The following MATN2 variants were observed in gnomAD, a reference collection of about 807,000 sequenced individuals.
The protein encoded by MATN2 is matrilin-2.
In MATN2, 69 loss-of-function variants were observed where a neutral mutation model predicts 103.2. That is an observed-to-expected ratio of 0.67 (90% CI 0.55 to 0.82). The LOEUF (loss-of-function observed/expected upper bound fraction) is 0.82. Ranked by LOEUF, MATN2 falls within the 40% of genes least tolerant of loss-of-function variation. The pLI, the probability that MATN2 is intolerant of heterozygous loss-of-function variation, is 0.00. For missense variants in MATN2, 1,023 were observed against 1,211.5 expected, an observed-to-expected ratio of 0.84 and a Z score of 2.31; for synonymous variants, 429 against 450.2, an observed-to-expected ratio of 0.95 and a Z score of 0.60.
chr8:97,958,668 TTTTC>T (rs1811213213), intron 4 of MATN2, among the ~76,000 whole-genome samples: 1 of 152,200 alleles, frequency 6.6e-6, no homozygotes, highest in African/African-American at 2.4e-5. Flanking sequence ...AAAGCAATGC[TTTTC>T]ATTGAACTTT....
At chr8:97,936,816 A>C (rs1810383642) in intron 3 of MATN2, among the ~76,000 whole-genome samples, 1 of 152,240 alleles carries the variant, frequency 6.6e-6, no homozygotes, top group Non-Finnish European at 1.5e-5. Flanking sequence ...AGGGCAAGGC[A>C]TGAGGCCTGG....
intron 8 of MATN2, among the ~76,000 whole-genome samples, chr8:98,006,403 T>A (rs1812971715): frequency 6.6e-6 from 1 of 152,222 alleles, no homozygotes; most frequent in Non-Finnish European, 1.5e-5. Context: ...GCGCTTTACA[T>A]AATCAACCCC....
At chr8:97,988,171 A>AAATATAT (rs1252963740) in intron 6 of MATN2, among the ~76,000 whole-genome samples, 1 of 46,120 alleles carries the variant, frequency 2.2e-5, no homozygotes, top group African/African-American at 1.3e-4. Flanking sequence ...AAAAAAAAAA[A>AAATATAT]ATATATATAT....
intron 2 of MATN2, among the ~76,000 whole-genome samples, chr8:97,924,891 T>C (rs145996472): frequency 0.014 from 2,067 of 152,234 alleles, 26 homozygotes; most frequent in South Asian, 0.027. Flanking sequence ...TCATTTCATA[T>C]TCATCATGAG....
intron 18 of MATN2, among the ~76,000 whole-genome samples, chr8:98,034,771 T>G (rs937842448): frequency 6.6e-5 from 10 of 152,354 alleles, no homozygotes; most frequent in South Asian, 2.1e-4. Flanking sequence ...CGCCCTTTGC[T>G]TCTGACTTCA....
intron 4 of MATN2, among the ~76,000 whole-genome samples, chr8:97,946,363 T>C (rs1276877638): frequency 2.0e-5 from 3 of 152,258 alleles, no homozygotes; most frequent in African/African-American, 7.2e-5. Context: ...TTGAACATAC[T>C]GGACCTCAAC....
chr8:97,907,000 T>A (rs1241138267), intron 2 of MATN2, among the ~76,000 whole-genome samples: 1 of 147,308 alleles, frequency 6.8e-6, no homozygotes, highest in Admixed American at 6.7e-5. Context: ...TAGCTGACTT[T>A]TTTTTTTTTT....
At chr8:97,988,308 A>T (rs1349863272) in intron 6 of MATN2, among the ~76,000 whole-genome samples, 1 of 151,288 alleles carries the variant, frequency 6.6e-6, no homozygotes, top group African/African-American at 2.4e-5. Flanking sequence ...TCCTTGAAAG[A>T]CACAAACTAC....
rs543680425 is a variant in MATN2 at position 97,909,598 on chromosome 8, C to T, written c.143-21355C>T. 7.2e-5 allele frequency among the ~76,000 whole-genome samples: 11 copies of T among 152,172 alleles called. No homozygotes were observed. The East Asian group carries it at 2.1e-3, about 29-fold the overall frequency. Reference sequence around the variant, plus strand: ...TGTTGCAGGCAGAGAGAACAGCAGGCAGGAGTATGCTTGAATTGTTCAGTA... The same window carrying T: ...TGTTGCAGGCAGAGAGAACAGCAGGTAGGAGTATGCTTGAATTGTTCAGTA... On this transcript the variant is annotated intron_variant, in intron 2 of 18. Transcript: ENST00000254898.
chr8:98,026,338 CAACCTGT>C (rs1256442386), intron 13 of MATN2, among the ~76,000 whole-genome samples: 1 of 151,210 alleles, frequency 6.6e-6, no homozygotes, highest in East Asian at 1.9e-4. Flanking sequence ...TAGCTTACTG[CAACCTGT>C]AATTCTTGGG....
intron 1 of MATN2, among the ~76,000 whole-genome samples, chr8:97,871,334 G>T (rs562774736): frequency 6.6e-6 from 1 of 152,202 alleles, no homozygotes; most frequent in African/African-American, 2.4e-5. Context: ...GGGAGAGACC[G>T]GCTTAGGCCT....
Position 98,035,821 on chromosome 8 carries a change from A to G in MATN2, c.*109A>G, listed in dbSNP as rs3088121. 80,959 of 614,032 alleles carry G rather than the reference A, an allele frequency of 0.13. 6,288 individuals carry two copies. Among genetic ancestry groups the G allele is most frequent in the Middle Eastern group, 0.21 (805 of 3,782 alleles). The allele number at this position is 614,032 out of a possible 1,614,324, so 38.0% of individuals were successfully genotyped here. On this transcript the variant is annotated 3_prime_UTR_variant, in exon 19 of 19. Coordinates refer to ENST00000254898, the MANE Select transcript of MATN2 (RefSeq NM_002380.5). Reference sequence around the variant, plus strand: ...GTTAAATCAATAATGTTGTGAAGTAAAACAATCAGTACTGAGAAACCTGGT... The same window carrying G: ...GTTAAATCAATAATGTTGTGAAGTAGAACAATCAGTACTGAGAAACCTGGT...
chr8:97,928,622 G>A (rs1211083481), intron 2 of MATN2, among the ~76,000 whole-genome samples: 2 of 152,120 alleles, frequency 1.3e-5, no homozygotes, highest in African/African-American at 4.8e-5. Flanking sequence ...TTGAGCAGGT[G>A]CCTGTGTGCA....
intron 5 of MATN2, among the ~76,000 whole-genome samples, chr8:97,972,231 G>C (rs1396275735): frequency 6.6e-6 from 1 of 151,638 alleles, no homozygotes; most frequent in Admixed American, 6.6e-5. Context: ...CCAGCTACTT[G>C]GGAGGCTGAG....
intron 2 of MATN2, among the ~76,000 whole-genome samples, chr8:97,916,625 G>GT (rs1809639073): frequency 6.6e-6 from 1 of 152,054 alleles, no homozygotes; most frequent in African/African-American, 2.4e-5. Context: ...AAAAACCACT[G>GT]TTTCACAGCT....
At chr8:97,948,097 A>C (rs778547025) in intron 4 of MATN2, among the ~76,000 whole-genome samples, 1 of 152,256 alleles carries the variant, frequency 6.6e-6, no homozygotes, top group Non-Finnish European at 1.5e-5. Flanking sequence ...GGCCATTTTC[A>C]ACAGCAAAAT....
intron 4 of MATN2, among the ~76,000 whole-genome samples, chr8:97,953,792 C>A (rs1281701520): frequency 4.5e-5 from 1 of 22,010 alleles, no homozygotes. Context: ...CTCCATCTCA[C>A]CAAAAAAAAA....
At chr8:97,975,404 TA>T (rs1157032958) in intron 5 of MATN2, among the ~76,000 whole-genome samples, 6 of 152,218 alleles carry the variant, frequency 3.9e-5, no homozygotes, top group Admixed American at 3.9e-4. Flanking sequence ...AACACCTCTC[TA>T]AATTATTACA....
chr8:97,882,038 C>T (rs1371015765), intron 1 of MATN2, among the ~76,000 whole-genome samples: 1 of 149,772 alleles, frequency 6.7e-6, no homozygotes, highest in Non-Finnish European at 1.5e-5. Context: ...TCTCCTGCCT[C>T]ACCCTCCCAA....
Sources: gnomAD v4.1 joint callset for allele counts (sites outside exome capture counted in the v4.1 genomes callset) on GRCh38, gnomAD v4.1.1 for gene constraint, MANE v1.5 for transcripts, NCBI Gene and HGNC (gene_info 2026-07-23, HGNC 2026-07-21) for gene names.